The following USP28 variants were observed in gnomAD, a reference collection of about 807,000 sequenced individuals.
USP28 encodes ubiquitin carboxyl-terminal hydrolase 28.
Under a neutral mutation model 145.0 loss-of-function variants are expected in USP28, and 113 were observed. The ratio of observed to expected loss-of-function variants is 0.78; its 90% CI spans 0.67 to 0.91. The LOEUF (loss-of-function observed/expected upper bound fraction) is 0.91. Among genes scored for constraint, USP28 ranks in the 40% least tolerant of loss-of-function variants. The pLI is 0.00. For missense variants in USP28, 1,201 were observed against 1,289.6 expected (o/e 0.93, Z 1.05); for synonymous variants, 447 against 450.9 (o/e 0.99, Z 0.11).
chr11:113,873,743 A>G (rs1037072582), intron 1 of USP28, among the ~76,000 whole-genome samples: 15 of 126,362 alleles, frequency 1.2e-4, no homozygotes, highest in Admixed American at 7.0e-4. Flanking sequence ...ACACATTTCA[A>G]TAGGCACTTG....
chr11:113,862,654 A>AAG, intron 1 of USP28, among the ~76,000 whole-genome samples: 1 of 152,332 alleles, frequency 6.6e-6, no homozygotes, highest in Admixed American at 6.5e-5. Context: ...CATACTCTGA[A>AAG]CATCTCAAAG....
At chr11:113,843,738 T>C (rs372461278) in intron 3 of USP28, among the ~76,000 whole-genome samples, 2 of 149,818 alleles carry the variant, frequency 1.3e-5, no homozygotes, top group East Asian at 3.9e-4. Flanking sequence ...ATTACAAAAC[T>C]GTAGTAATCA....
chr11:113,831,971 T>C (rs1944041203), exon 8 of USP28: 1 of 1,614,004 alleles, frequency 6.2e-7, no homozygotes, highest in Non-Finnish European at 8.5e-7. Context: ...CAGGAGCTTG[T>C]GTGTGAATTC....
chr11:113,839,116 T>C (rs1217662322), intron 5 of USP28, among the ~76,000 whole-genome samples: 1 of 152,234 alleles, frequency 6.6e-6, no homozygotes, highest in Non-Finnish European at 1.5e-5. Context: ...TTTTCTGAAG[T>C]ACAGATTCAT....
intron 19 of USP28, among the ~76,000 whole-genome samples, chr11:113,805,906 C>T (rs76082195): frequency 6.6e-6 from 1 of 152,050 alleles, no homozygotes; most frequent in African/African-American, 2.4e-5. Flanking sequence ...GAAAGGAAGT[C>T]TCATATTTCA....
intron 1 of USP28, among the ~76,000 whole-genome samples, chr11:113,870,408 T>A (rs1218218506): frequency 6.6e-6 from 1 of 152,068 alleles, no homozygotes; most frequent in East Asian, 1.9e-4. Context: ...ACGCCTGTGG[T>A]CCCAGCTACT....
chr11:113,875,477 C>T (rs1386752966), exon 1 of USP28: 1 of 1,230,960 alleles, frequency 8.1e-7, no homozygotes, highest in Non-Finnish European at 1.0e-6. Context: ...CCGGCCGCGT[C>T]GTCCTGCTGC....
chr11:113,833,358 C>T, intron 7 of USP28, 62 bp downstream of exon 7: 1 of 1,570,460 alleles, frequency 6.4e-7, no homozygotes, highest in South Asian at 1.2e-5. Context: ...TGAAATGAAG[C>T]AGTACCGCAT....
chr11:113,833,593 C>A, intron 6 of USP28, 36 bp from the exon 7 acceptor site: 2 of 1,574,984 alleles, frequency 1.3e-6, no homozygotes, highest in Non-Finnish European at 1.7e-6. Flanking sequence ...CTTACAATAT[C>A]TCATTTAGAA....
rs1357669597 is a variant in USP28, at chr11:113,815,412, A to G, written c.1464-30T>C. On this transcript the variant is annotated intron_variant, in intron 13 of 24. Transcript: ENST00000003302. ...GGAAGACAAAAATCATGCTCATATG[A>G]TAATTTCCAAAAGATACCTTGGCCT... The G allele has an allele frequency of 4.4e-6, 7 of 1,597,136 alleles. No homozygotes were observed. The East Asian group carries it at 1.3e-4, about 31-fold the overall frequency.
chr11:113,869,946 TG>T (rs928043239), intron 1 of USP28, among the ~76,000 whole-genome samples: 1 of 152,136 alleles, frequency 6.6e-6, no homozygotes, highest in Admixed American at 6.5e-5. Flanking sequence ...GCAGATCACC[TG>T]GGGTCAGGAG....
intron 11 of USP28, among the ~76,000 whole-genome samples, chr11:113,824,648 G>T (rs1465735878): frequency 2.0e-5 from 3 of 150,990 alleles, no homozygotes; most frequent in African/African-American, 7.3e-5. Flanking sequence ...TTAAGATGTT[G>T]GACCAGGGGC....
intron 1 of USP28, 31 bp downstream of exon 1, chr11:113,875,414 C>T: frequency 8.1e-7 from 1 of 1,235,768 alleles, no homozygotes; most frequent in South Asian, 2.4e-5. Context: ...GGAGCCCGCC[C>T]CCAGCTCCCG....
intron 9 of USP28, among the ~76,000 whole-genome samples, chr11:113,830,490 A>C (rs1943861051): frequency 6.6e-6 from 1 of 152,202 alleles, no homozygotes; most frequent in South Asian, 2.1e-4. Flanking sequence ...CAGAGTGAAA[A>C]GCCTCTAGTC....
chr11:113,827,375 A>G lies in USP28; in HGVS notation c.1060-15T>C, dbSNP rs1189373493. On this transcript the variant is annotated splice_polypyrimidine_tract_variant and intron_variant, in intron 10 of 24. Transcript: ENST00000003302. ...GTAAACCAACGCTAGTGTCAAGAGTAGAAATGTGAGAGAAAGAAAAATTAA... is the reference window on the plus strand; with the variant it reads ...GTAAACCAACGCTAGTGTCAAGAGTGGAAATGTGAGAGAAAGAAAAATTAA... 1 of 1,562,198 alleles carries G rather than the reference A, an allele frequency of 6.4e-7. No individual in the cohort carries two copies. The highest frequency in any genetic ancestry group is 8.6e-7 in the Non-Finnish European group (1 of 1,163,056).
chr11:113,841,881 C>T (rs1945242384), intron 3 of USP28, 113 bp from the exon 4 acceptor site: 1 of 598,924 alleles, frequency 1.7e-6, no homozygotes, highest in Non-Finnish European at 2.7e-6. Flanking sequence ...AATGGCTCAA[C>T]TGTGTAACAA....
At chr11:113,802,508 G>A (rs566162521) in intron 23 of USP28, among the ~76,000 whole-genome samples, 4 of 152,238 alleles carry the variant, frequency 2.6e-5, no homozygotes, top group South Asian at 2.1e-4. Flanking sequence ...CTGAAGGCAG[G>A]CCACCCCTTT....
intron 10 of USP28, 68 bp from the exon 11 acceptor site, chr11:113,827,428 A>G: frequency 6.8e-7 from 1 of 1,467,686 alleles, no homozygotes; most frequent in Non-Finnish European, 9.1e-7. Flanking sequence ...AACCAGATTT[A>G]AAATATCTCT....
intron 1 of USP28, among the ~76,000 whole-genome samples, chr11:113,857,210 A>G (rs913517618): frequency 6.6e-6 from 1 of 152,160 alleles, no homozygotes; most frequent in African/African-American, 2.4e-5. Flanking sequence ...TTCCAGGTGC[A>G]CTGCTTGGCA....
Sources: allele counts gnomAD v4.1 joint callset (sites outside exome capture counted in the v4.1 genomes callset), GRCh38; gene constraint gnomAD v4.1.1; transcripts MANE v1.5; gene names NCBI Gene and HGNC (gene_info 2026-07-23, HGNC 2026-07-21).